Variants in LAMB4 observed in about 807,000 individuals in gnomAD.
The protein encoded by LAMB4 is laminin subunit beta-4.
In LAMB4, 196 loss-of-function variants were observed where a neutral mutation model predicts 199.2. The ratio of observed to expected loss-of-function variants is 0.98; its 90% CI spans 0.88 to 1.11. LAMB4 has a LOEUF of 1.11. Among genes scored for constraint, LAMB4 ranks in the 50% least tolerant of loss-of-function variants. LAMB4 has a pLI of 0.00. For synonymous variants in LAMB4, 744 were observed against 770.6 expected (o/e 0.97, Z 0.57); for missense variants, 2,080 against 2,171.2 (o/e 0.96, Z 0.83).
At chr7:108,015,327 T>A in the LAMB4 span, among the ~76,000 whole-genome samples, 1 of 152,218 alleles carries the variant, frequency 6.6e-6, no homozygotes, top group Non-Finnish European at 1.5e-5. Flanking sequence ...CTTCCCATGG[T>A]ACGAATCTTA....
At chr7:108,037,711 T>A in intron 29 of LAMB4, 116 bp from the exon 30 acceptor site, 3 of 726,014 alleles carry the variant, frequency 4.1e-6, no homozygotes, top group Non-Finnish European at 7.2e-6. Context: ...TATGTGCCCC[T>A]AGAATACAGG....
chr7:108,106,697 T>C, intron 6 of LAMB4, 125 bp from the exon 7 acceptor site: 1 of 593,832 alleles, frequency 1.7e-6, no homozygotes, highest in African/African-American at 1.9e-5. Context: ...CCCAAGTAGC[T>C]GAGACCACAG....
At chr7:108,120,325 A>G (rs1017586310) in intron 2 of LAMB4, among the ~76,000 whole-genome samples, 1 of 152,240 alleles carries the variant, frequency 6.6e-6, no homozygotes, top group African/African-American at 2.4e-5. Flanking sequence ...ATTCACATGA[A>G]CTATTAATCT....
chr7:108,116,232 G>A (rs866580363), intron 2 of LAMB4, 71 bp from the exon 3 acceptor site: 2 of 1,394,016 alleles, frequency 1.4e-6, no homozygotes, highest in Middle Eastern at 1.9e-4. Flanking sequence ...GAAATGACTG[G>A]TTAAGGGGGA....
At chr7:108,017,222 A>G in the LAMB4 span, among the ~76,000 whole-genome samples, 2 of 152,202 alleles carry the variant, frequency 1.3e-5, no homozygotes, top group African/African-American at 4.8e-5. Context: ...GAAGCCTTCT[A>G]GAGTGGCCAC....
intron 11 of LAMB4, 145 bp downstream of exon 11, chr7:108,098,258 G>T: frequency 2.7e-6 from 1 of 370,074 alleles, no homozygotes; most frequent in Non-Finnish European, 4.6e-6. Context: ...GCTTGAACCT[G>T]GGAGGTGGAG....
At position 108,091,508 on chromosome 7, in the gene LAMB4, T is replaced by C. The variant is rs549822794; in HGVS notation, c.1701+118A>G. ...AGGTTATAATAAACTCTGATCTGCA[T>C]CTTTGGGCAAAAGCATTCTTTTCTA... is the stretch of plus-strand genomic sequence containing the variant. On this transcript the variant is annotated intron_variant, in intron 14 of 33. Transcript: ENST00000388781. 16 of 1,172,628 alleles carry C rather than the reference T, an allele frequency of 1.4e-5. No individual in the cohort carries two copies. The South Asian group carries it at 2.3e-4, about 17-fold the overall frequency. 72.6% of individuals were successfully genotyped at this position (1,172,628 alleles called of 1,614,324 possible).
intron 31 of LAMB4, among the ~76,000 whole-genome samples, chr7:108,032,736 G>A (rs538448905): frequency 1.3e-5 from 2 of 151,780 alleles, no homozygotes; most frequent in East Asian, 3.9e-4. Flanking sequence ...GTGACAGAGA[G>A]ATTTTAACAT....
chr7:108,039,579 C>G (rs1266939485), intron 29 of LAMB4, among the ~76,000 whole-genome samples: 1 of 151,724 alleles, frequency 6.6e-6, no homozygotes, highest in Non-Finnish European at 1.5e-5. Context: ...AGTGATTCCC[C>G]TGTCTCAGCC....
chr7:108,058,005 T>A, intron 23 of LAMB4, 77 bp from the exon 24 acceptor site: 1 of 965,610 alleles, frequency 1.0e-6, no homozygotes, highest in African/African-American at 1.6e-5. Context: ...GGAAATATTT[T>A]CCCCTCCAGT....
At position 108,109,407 on chromosome 7, in the gene LAMB4, G is replaced by A. The variant is rs567441960; in HGVS notation, c.329-163C>T. 2.1e-4 allele frequency among the ~76,000 whole-genome samples: 32 copies of A among 152,326 alleles called. No homozygotes were observed. In the South Asian group the frequency reaches 6.6e-3, roughly 32 times the overall value. Reference sequence around the variant, plus strand: ...GGAGTGGTATCCCATGCCACTCCAAGCCCAGGAGGTATGCAGAGCAAGATA... The same window carrying A: ...GGAGTGGTATCCCATGCCACTCCAAACCCAGGAGGTATGCAGAGCAAGATA... On this transcript the variant is annotated intron_variant, in intron 4 of 33. Transcript: ENST00000388781.
intron 26 of LAMB4, among the ~76,000 whole-genome samples, chr7:108,050,535 T>C (rs1458250070): frequency 6.6e-6 from 1 of 152,178 alleles, no homozygotes; most frequent in African/African-American, 2.4e-5. Context: ...GTATGGTATA[T>C]TTTAATGTAA....
rs1584665182 is a variant in LAMB4 at position 108,063,993 on chromosome 7, A to G, written c.2837-8T>C. ...ATTCTCCACACTGAGTACCTGAAAG[A>G]AAGTGGGAGGAAAAGGAATGGGGTG... is the stretch of plus-strand genomic sequence containing the variant. On this transcript the variant is annotated splice_polypyrimidine_tract_variant and splice_region_variant and intron_variant, in intron 21 of 33. Transcript: ENST00000388781. The G allele has an allele frequency of 1.2e-6, 2 of 1,602,348 alleles. No individual in the cohort carries two copies. The highest frequency in any genetic ancestry group is 1.7e-4 in the Middle Eastern group (1 of 6,046).
At chr7:108,027,052 G>T (rs1732157) in intron 33 of LAMB4, 45,229 of 369,642 alleles carry the variant, frequency 0.12, 8,925 homozygotes, top group African/African-American at 0.6. Flanking sequence ...TGGAAACAAT[G>T]TGTGTATGAC....
In LAMB4 at chr7:108,062,877, G is replaced by C; in HGVS notation, c.3179C>G (p.Ala1060Gly). ...GTATCCATCAGCACAACGGTCACAG[G>C]CCAGGCCTGTGACATTCGGCAGACA... ...CPCLPNVTGL[A>G]CDRCADGYWN... is the part of the protein sequence containing the mutation. The change falls in exon 23 of 34, where the codon GCC becomes GGC. Residue 1060 changes from alanine to glycine, a missense_variant. Physicochemically the swap from Ala to Gly is moderately conservative, Grantham distance 60. Coordinates refer to ENST00000388781, the MANE Select transcript of LAMB4 (RefSeq NM_007356.3). 1 of 1,606,110 alleles carries C rather than the reference G, an allele frequency of 6.2e-7. No individual in the cohort carries two copies. The highest frequency in any genetic ancestry group is 8.5e-7 in the Non-Finnish European group (1 of 1,176,948).
At chr7:108,066,257 G>A in intron 20 of LAMB4, 112 bp downstream of exon 20, 1 of 798,534 alleles carries the variant, frequency 1.3e-6, no homozygotes, top group African/African-American at 1.7e-5. Context: ...ACCTATAACA[G>A]TCCTCCCTCC....
At chr7:108,106,194 G>A (rs1037031684) in intron 7 of LAMB4, among the ~76,000 whole-genome samples, 163 bp from the exon 8 acceptor site, 1 of 152,056 alleles carries the variant, frequency 6.6e-6, no homozygotes, top group African/African-American at 2.4e-5. Context: ...GAGGCAGGAG[G>A]ATCCCTTGAG....
chr7:108,047,701 A>G (rs1412860850), intron 28 of LAMB4, among the ~76,000 whole-genome samples: 3 of 152,316 alleles, frequency 2.0e-5, no homozygotes, highest in East Asian at 1.9e-4. Context: ...ATACATATAT[A>G]TAACAGGAAA....
At chr7:108,104,325 T>C (rs1471763900) in intron 9 of LAMB4, among the ~76,000 whole-genome samples, 174 bp downstream of exon 9, 1 of 152,222 alleles carries the variant, frequency 6.6e-6, no homozygotes, top group African/African-American at 2.4e-5. Flanking sequence ...GTTGGAGAAG[T>C]TGGCGATTCT....
Sources: gnomAD v4.1 joint callset for allele counts (sites outside exome capture counted in the v4.1 genomes callset) on GRCh38, gnomAD v4.1.1 for gene constraint, MANE v1.5 for transcripts, NCBI Gene and HGNC (gene_info 2026-07-23, HGNC 2026-07-21) for gene names.